ZBTB20: variants seen among roughly 807,000 people sequenced by gnomAD.
The protein encoded by ZBTB20 is zinc finger and BTB domain containing 20.
ZBTB20 carries 9 observed loss-of-function variants against 56.9 expected under a neutral mutation model. The observed-to-expected ratio is 0.16, with a 90% CI of 0.10 to 0.28. The LOEUF is 0.28. Among genes scored for constraint, ZBTB20 ranks in the 10% least tolerant of loss-of-function variants. The probability of loss-of-function intolerance (pLI) is 1.00; values close to 1 mark genes in which losing one functional copy is unlikely to be tolerated. For missense variants in ZBTB20, 655 were observed against 1,003.0 expected (o/e 0.65, Z 4.69); for synonymous variants, 417 against 420.7 (o/e 0.99, Z 0.11).
intron 4 of ZBTB20, among the ~76,000 whole-genome samples, chr3:114,842,339 C>T (rs2074416855): frequency 6.6e-6 from 1 of 152,152 alleles, no homozygotes; most frequent in Non-Finnish European, 1.5e-5. Context: ...GACAGAAGGG[C>T]TAACCTGAGG....
chr3:114,612,944 T>C (rs1299498002), intron 6 of ZBTB20, among the ~76,000 whole-genome samples: 1 of 151,228 alleles, frequency 6.6e-6, no homozygotes, highest in Non-Finnish European at 1.5e-5. Flanking sequence ...TCTTAAAATA[T>C]AATAAATATA....
intron 6 of ZBTB20, among the ~76,000 whole-genome samples, chr3:114,665,478 T>C (rs1258882669): frequency 6.6e-6 from 1 of 152,042 alleles, no homozygotes; most frequent in African/African-American, 2.4e-5. Context: ...AGTTTAATTA[T>C]AAGTCTTACC....
chr3:114,566,907 T>TGTTCTCA, intron 6 of ZBTB20, among the ~76,000 whole-genome samples: 1 of 152,194 alleles, frequency 6.6e-6, no homozygotes, highest in Non-Finnish European at 1.5e-5. Context: ...CTAATGATAA[T>TGTTCTCA]GGTTAGTGCT....
chr3:114,597,168 G>T (rs527870194), intron 6 of ZBTB20, among the ~76,000 whole-genome samples: 4 of 152,266 alleles, frequency 2.6e-5, no homozygotes, highest in Non-Finnish European at 5.9e-5. Context: ...AGACACAAAT[G>T]TGTCCTCTGA....
intron 7 of ZBTB20, among the ~76,000 whole-genome samples, chr3:114,455,276 C>T (rs780538087): frequency 2.6e-5 from 4 of 152,042 alleles, no homozygotes; most frequent in East Asian, 1.9e-4. Context: ...TCAGCAGGCT[C>T]GGCTGAACCA....
intron 7 of ZBTB20, among the ~76,000 whole-genome samples, chr3:114,397,188 C>G (rs2086403329): frequency 6.6e-6 from 1 of 152,158 alleles, no homozygotes; most frequent in Admixed American, 6.6e-5. Flanking sequence ...TTTGCTCCCA[C>G]TCTCAGAACA....
rs1273638198 is a variant in ZBTB20, at chr3:114,913,986, CT to C, written c.-455-13645del. Among the ~76,000 whole-genome samples, 5 of 151,866 alleles carry C rather than the reference CT, an allele frequency of 3.3e-5. No individual in the cohort carries two copies. The East Asian group carries it at 9.7e-4, about 29-fold the overall frequency. On this transcript the variant is annotated intron_variant, in intron 3 of 11. Coordinates refer to ENST00000675478, the MANE Select transcript of ZBTB20 (RefSeq NM_001348800.3). Reference sequence around the variant, plus strand: ...CCATGCTCTTTTGGTTACTATAGCCCTGTAGTATAATTTGAACTCAGGTGAT... The same window carrying C: ...CCATGCTCTTTTGGTTACTATAGCCCGTAGTATAATTTGAACTCAGGTGAT...
At chr3:114,708,737 T>C (rs1051998288) in intron 5 of ZBTB20, among the ~76,000 whole-genome samples, 5 of 152,142 alleles carry the variant, frequency 3.3e-5, no homozygotes, top group African/African-American at 1.2e-4. Flanking sequence ...TAAGTAAATA[T>C]TGCTAAGTTA....
intron 6 of ZBTB20, among the ~76,000 whole-genome samples, chr3:114,583,384 A>G (rs576872818): frequency 6.6e-6 from 1 of 152,338 alleles, no homozygotes; most frequent in East Asian, 1.9e-4. Flanking sequence ...CTTTTTTCTC[A>G]TGTATTAAAC....
chr3:114,652,677 T>C (rs2060196074), intron 6 of ZBTB20, among the ~76,000 whole-genome samples: 1 of 152,032 alleles, frequency 6.6e-6, no homozygotes, highest in African/African-American at 2.4e-5. Flanking sequence ...CAATCTCATA[T>C]ACATTTTAAA....
intron 6 of ZBTB20, among the ~76,000 whole-genome samples, chr3:114,613,200 T>C (rs1282652549): frequency 1.3e-5 from 2 of 151,842 alleles, no homozygotes; most frequent in East Asian, 3.9e-4. Flanking sequence ...GTATTAAGGG[T>C]TTTGTATTAG....
intron 5 of ZBTB20, among the ~76,000 whole-genome samples, chr3:114,771,480 A>T (rs772758580): frequency 6.6e-6 from 1 of 152,294 alleles, no homozygotes; most frequent in Middle Eastern, 3.4e-3. Context: ...TACTTGGGAA[A>T]TTATCCTTCT....
chr3:114,666,762 CTG>C (rs1454558617), intron 6 of ZBTB20, among the ~76,000 whole-genome samples: 1 of 151,946 alleles, frequency 6.6e-6, no homozygotes, highest in East Asian at 1.9e-4. Context: ...GTGTGATAAA[CTG>C]TTCACTTTCT....
At chr3:115,004,578 C>T (rs2079389144) in intron 2 of ZBTB20, among the ~76,000 whole-genome samples, 1 of 151,612 alleles carries the variant, frequency 6.6e-6, no homozygotes, top group Non-Finnish European at 1.5e-5. Flanking sequence ...ACAAGAGGGT[C>T]TTTCATTTTT....
At chr3:114,454,214 T>C (rs1024203180) in intron 7 of ZBTB20, among the ~76,000 whole-genome samples, 1 of 76,418 alleles carries the variant, frequency 1.3e-5, no homozygotes, top group Non-Finnish European at 2.4e-5. Context: ...GAGAGAGAAA[T>C]TGGAGCTTCC....
intron 1 of ZBTB20, among the ~76,000 whole-genome samples, chr3:115,146,980 G>A (rs1174411696): frequency 2.0e-5 from 3 of 150,380 alleles, no homozygotes; most frequent in Non-Finnish European, 4.5e-5. Context: ...GGCGCCGGGG[G>A]AGGGGGCGCG....
intron 8 of ZBTB20, among the ~76,000 whole-genome samples, chr3:114,381,618 G>T (rs2084351739): frequency 6.6e-6 from 1 of 152,152 alleles, no homozygotes; most frequent in Non-Finnish European, 1.5e-5. Context: ...AGAATTTGTT[G>T]TAAGTAGATT....
intron 6 of ZBTB20, among the ~76,000 whole-genome samples, chr3:114,678,762 C>A (rs2061788683): frequency 6.6e-6 from 1 of 152,022 alleles, no homozygotes; most frequent in Non-Finnish European, 1.5e-5. Flanking sequence ...ATAAGAATGA[C>A]CTCAGAAAGT....
chr3:114,547,825 CAGAAACT>C (rs2050075229), intron 6 of ZBTB20, among the ~76,000 whole-genome samples: 1 of 152,168 alleles, frequency 6.6e-6, no homozygotes, highest in African/African-American at 2.4e-5. Context: ...TATTACTGAA[CAGAAACT>C]AGTTTAAACT....
Sources: gnomAD v4.1 joint callset for allele counts (sites outside exome capture counted in the v4.1 genomes callset) on GRCh38, gnomAD v4.1.1 for gene constraint, MANE v1.5 for transcripts, NCBI Gene and HGNC (gene_info 2026-07-23, HGNC 2026-07-21) for gene names.